The following CHD1L variants were observed in gnomAD, a reference collection of about 807,000 sequenced individuals.
The protein encoded by CHD1L is chromodomain helicase DNA binding protein 1 like.
A neutral mutation model predicts 115.9 loss-of-function variants in CHD1L; 118 were observed. The ratio of observed to expected loss-of-function variants is 1.02; its 90% CI spans 0.88 to 1.19. The LOEUF is 1.19. CHD1L is among the 50% of genes most tolerant of loss of function. The probability of loss-of-function intolerance (pLI) is 0.00; values close to 1 mark genes in which losing one functional copy is unlikely to be tolerated. For synonymous variants in CHD1L, 411 were observed against 387.1 expected, an observed-to-expected ratio of 1.06 and a Z score of -0.72; for missense variants, 1,179 against 1,065.3, an observed-to-expected ratio of 1.11 and a Z score of -1.49.
chr1:147,282,377 C>T (rs1452327337), intron 15 of CHD1L, among the ~76,000 whole-genome samples: 1 of 152,154 alleles, frequency 6.6e-6, no homozygotes, highest in African/African-American at 2.4e-5. Context: ...CTTTGGGGTG[C>T]AGATCTTCTC....
chr1:147,256,254 A>T lies in CHD1L; in HGVS notation c.463-277A>T, dbSNP rs587704403. 7.9e-5 allele frequency among the ~76,000 whole-genome samples: 12 copies of T among 152,240 alleles called. No homozygotes were observed. In the East Asian group the frequency reaches 2.3e-3, roughly 29 times the overall value. ...TGTGGACTGAGGAATCACGTCTGTT[A>T]CTGGAGGATAGGAATGGAAGACAGC... On this transcript the variant is annotated intron_variant, in intron 4 of 22. Coordinates refer to ENST00000369258, the MANE Select transcript of CHD1L (RefSeq NM_004284.6).
chr1:147,224,917 A>T, the CHD1L span: 1 of 1,614,030 alleles, frequency 6.2e-7, no homozygotes, highest in Non-Finnish European at 8.5e-7. Flanking sequence ...GAGCCCTCCG[A>T]TGTCATCAGT....
chr1:147,181,018 C>T, the CHD1L span, among the ~76,000 whole-genome samples: 1 of 152,178 alleles, frequency 6.6e-6, no homozygotes, highest in Non-Finnish European at 1.5e-5. Context: ...CCCCAGTAAA[C>T]GGCATTGTGC....
chr1:147,181,742 A>C, the CHD1L span, among the ~76,000 whole-genome samples: 15 of 152,214 alleles, frequency 9.9e-5, no homozygotes, highest in Admixed American at 9.8e-4. Flanking sequence ...TAGCTAAGCA[A>C]GTATGGAGGA....
the CHD1L span, chr1:147,212,646 G>C: frequency 2.9e-6 from 3 of 1,017,514 alleles, no homozygotes; most frequent in East Asian, 4.8e-5. Context: ...TTCTCCAAGT[G>C]TTCTCTTTAC....
At chr1:147,268,208 G>A (rs1280198452) in intron 9 of CHD1L, among the ~76,000 whole-genome samples, 2 of 152,098 alleles carry the variant, frequency 1.3e-5, no homozygotes, top group Non-Finnish European at 2.9e-5. Context: ...TGCATCCTAG[G>A]AATTTTGATG....
chr1:147,252,755 G>A lies in CHD1L; in HGVS notation c.240+20G>A. Reference sequence around the variant, plus strand: ...TGCCAGGTGTGTTACTATGCGACGAGTACTGCTCACCGCCACTGCGATACT... The same window carrying A: ...TGCCAGGTGTGTTACTATGCGACGAATACTGCTCACCGCCACTGCGATACT... On this transcript the variant is annotated intron_variant, in intron 2 of 22. Transcript: ENST00000369258. 6.4e-7 allele frequency: 1 copy of A among 1,560,284 alleles called. No homozygotes were observed. The highest frequency in any genetic ancestry group is 8.8e-7 in the Non-Finnish European group (1 of 1,131,712).
chr1:147,210,817 TA>T, the CHD1L span: 1 of 152,208 alleles, frequency 6.6e-6, no homozygotes, highest in Non-Finnish European at 1.5e-5. Flanking sequence ...TACCTTGTTT[TA>T]AGCAAATAAC....
rs782103517 is a variant in CHD1L, at chr1:147,266,101, A to G, written c.895+14A>G. ...TGAAAGACCTAGGTAATCAGAGGGC[A>G]CTTGTCCATTTAGAAACTAAATGAG... On this transcript the variant is annotated intron_variant, in intron 8 of 22. Transcript: ENST00000369258. 2.5e-6 allele frequency: 4 copies of G among 1,598,682 alleles called. No homozygotes were observed.
the CHD1L span, among the ~76,000 whole-genome samples, chr1:147,185,904 T>C: frequency 0.037 from 5,613 of 152,286 alleles, 149 homozygotes; most frequent in South Asian, 0.095. Context: ...AACTACACTT[T>C]ACGACATGAG....
the CHD1L span, among the ~76,000 whole-genome samples, chr1:147,176,719 A>G: frequency 6.6e-6 from 1 of 152,196 alleles, no homozygotes; most frequent in Non-Finnish European, 1.5e-5. Flanking sequence ...TTAACTATGA[A>G]TCTACTATGT....
At chr1:147,242,552 C>CGCGGGGGCCA, upstream of CHD1L, 1 of 793,770 alleles carries the variant, frequency 1.3e-6, no homozygotes. Context: ...GTGACTGCAC[C>CGCGGGGGCCA]AGCTCCGCTC....
At chr1:147,252,765 C>T in intron 2 of CHD1L, 30 bp downstream of exon 2, 1 of 1,489,340 alleles carries the variant, frequency 6.7e-7, no homozygotes, top group Non-Finnish European at 9.4e-7. Context: ...GTACTGCTCA[C>T]CGCCACTGCG....
At chr1:147,249,835 C>T (rs1400289896) in intron 1 of CHD1L, among the ~76,000 whole-genome samples, 5 of 152,126 alleles carry the variant, frequency 3.3e-5, no homozygotes, top group African/African-American at 9.7e-5. Flanking sequence ...TTTTATTGGA[C>T]AACATTGAAC....
chr1:147,258,080 G>C (rs1670699234), intron 5 of CHD1L, among the ~76,000 whole-genome samples: 1 of 152,170 alleles, frequency 6.6e-6, no homozygotes, highest in Non-Finnish European at 1.5e-5. Context: ...TCTGAGAATA[G>C]CAGGGAAGTG....
At chr1:147,258,614 C>T (rs1332453623) in intron 5 of CHD1L, among the ~76,000 whole-genome samples, 1 of 152,280 alleles carries the variant, frequency 6.6e-6, no homozygotes, top group South Asian at 2.1e-4. Context: ...TCCCTCTACT[C>T]GCTTCTCTCA....
intron 1 of CHD1L, among the ~76,000 whole-genome samples, chr1:147,250,956 C>G (rs1668226833): frequency 6.6e-6 from 1 of 152,134 alleles, no homozygotes; most frequent in Non-Finnish European, 1.5e-5. Context: ...ATAAATCTCA[C>G]AAGATCTGAT....
chr1:147,202,508 C>G, the CHD1L span, among the ~76,000 whole-genome samples: 1 of 151,802 alleles, frequency 6.6e-6, no homozygotes, highest in Non-Finnish European at 1.5e-5. Context: ...TTAGTAGAGA[C>G]AGGGTTTCAC....
chr1:147,223,791 A>G, the CHD1L span: 1 of 267,554 alleles, frequency 3.7e-6, no homozygotes, highest in Non-Finnish European at 7.4e-6. Context: ...ACTTCCTGCC[A>G]TTAACCAGTT....
Sources: gnomAD v4.1 joint callset for allele counts (sites outside exome capture counted in the v4.1 genomes callset) on GRCh38, gnomAD v4.1.1 for gene constraint, MANE v1.5 for transcripts, NCBI Gene and HGNC (gene_info 2026-07-23, HGNC 2026-07-21) for gene names.